Variants in CARMIL2 observed in about 807,000 individuals in gnomAD.
CARMIL2 encodes the protein capping protein, Arp2/3 and myosin-I linker protein 2.
CARMIL2 carries 96 observed loss-of-function variants against 173.3 expected under a neutral mutation model. The observed-to-expected ratio is 0.55, with a 90% CI of 0.47 to 0.66. The LOEUF (loss-of-function observed/expected upper bound fraction) is 0.66. Ranked by LOEUF, CARMIL2 falls within the 30% of genes least tolerant of loss-of-function variation. CARMIL2 has a pLI of 0.00. For synonymous variants in CARMIL2, 830 were observed against 817.1 expected (o/e 1.02, Z -0.27); for missense variants, 1,771 against 1,906.7 (o/e 0.93, Z 1.33).
chr16:67,656,666 C>G (rs1357635164), intron 35 of CARMIL2, 21 bp downstream of exon 35: 2 of 1,575,010 alleles, frequency 1.3e-6, no homozygotes, highest in African/African-American at 2.7e-5. Context: ...ACCTGATTCC[C>G]CACCCCAATC....
Position 67,648,579 on chromosome 16 carries a change from T to C in CARMIL2, c.1439+77T>C. The C allele has an allele frequency of 1.4e-6, 2 of 1,473,288 alleles. No homozygotes were observed. The highest frequency in any genetic ancestry group is 2.8e-5 in the African/African-American group (2 of 71,160). The allele number at this position is 1,473,288 out of a possible 1,614,324, so 91.3% of individuals were successfully genotyped here. A position where few individuals can be genotyped will look rare whatever the true frequency, so the allele number is the denominator to read the frequency against. ...GCCTTCGCCCCTCCCCGCTCCTGCT[T>C]CTGTCGCTCCCACAACCTCCCCCAG... On this transcript the variant is annotated intron_variant, in intron 15 of 37. Transcript: ENST00000334583. This position sits in a 1 kb window ranked among gnomAD's most constrained non-coding sequence, Gnocchi z 6.1.
In CARMIL2 at chr16:67,656,800, G is replaced by T; in HGVS notation, c.4037-1G>T. Reference sequence around the variant, plus strand: ...ACCCCTGATTCCCTGGCCTCCCTCAGATGGCCAGCTGAGGCCGAGGCCTCT... The same window carrying T: ...ACCCCTGATTCCCTGGCCTCCCTCATATGGCCAGCTGAGGCCGAGGCCTCT... On this transcript the variant is annotated splice_acceptor_variant, in intron 35 of 37. Transcript: ENST00000334583. LOFTEE classifies it high-confidence loss of function. 1.3e-6 allele frequency: 2 copies of T among 1,551,732 alleles called. No individual in the cohort carries two copies. The highest frequency in any genetic ancestry group is 2.4e-5 in the South Asian group (2 of 84,240).
Position 67,652,363 on chromosome 16 carries a change from C to A in CARMIL2, c.2817+24C>A. 6.2e-7 allele frequency: 1 copy of A among 1,612,648 alleles called. No homozygotes were observed. The highest frequency in any genetic ancestry group is 8.5e-7 in the Non-Finnish European group (1 of 1,179,276). On this transcript the variant is annotated intron_variant, in intron 27 of 37. Transcript: ENST00000334583. This position sits in a 1 kb window ranked among gnomAD's most constrained non-coding sequence, Gnocchi z 4.7. ...AGGTAAGTGGTTTTAGAACACGGGG[C>A]ATGGCACTCCCAGTCTTCCCATCTT...
rs1319036446 is a variant in CARMIL2 at position 67,646,489 on chromosome 16, G to A, written c.438G>A (p.Ser146=). Residue 146 remains serine (S), a synonymous_variant, in exon 6 of 38, where the codon TCG becomes TCA. Transcript: ENST00000334583. The surrounding 1 kb of genome is among the most constrained non-coding windows in gnomAD (Gnocchi z 4.6). ...CTCGGCTGGAGAGAAGCAGCCCCTCGGAGTCCACTGACCCCTGCAGCCCCT... is the reference window on the plus strand; with the variant it reads ...CTCGGCTGGAGAGAAGCAGCCCCTCAGAGTCCACTGACCCCTGCAGCCCCT... ...MLARLERSSP[S]ESTDPCSPCG... 24 of 1,613,186 alleles carry A rather than the reference G, an allele frequency of 1.5e-5. No individual in the cohort carries two copies. The highest frequency in any genetic ancestry group is 6.7e-5 in the East Asian group (3 of 44,884).
chr16:67,654,661 A>T lies in CARMIL2; in HGVS notation c.3551A>T (p.Glu1184Val), dbSNP rs150710381. ...AYSMILLPAE[E>V]EATLGARPDK... ...TCGATGATACTGCTGCCTGCCGAGG[A>T]GGAGGCAACGCTGGGTGCCAGACCC... The change falls in exon 31 of 38, where the codon GAG (glutamate) becomes GTG (valine). Residue 1184 changes from glutamate to valine, a missense_variant. By Grantham distance (121) the Glu-to-Val change is moderately radical (BLOSUM62 -2). Coordinates refer to ENST00000334583, the MANE Select transcript of CARMIL2 (RefSeq NM_001013838.3). 662 of 1,586,156 alleles carry T rather than the reference A, an allele frequency of 4.2e-4. 2 individuals are homozygous for T. In the African/African-American group the frequency reaches 8.2e-3, roughly 20 times the overall value.
Position 67,645,542 on chromosome 16 carries a change from G to T in CARMIL2, c.43G>T (p.Glu15Ter). 2 of 1,599,986 alleles carry T rather than the reference G, an allele frequency of 1.3e-6. No individual in the cohort carries two copies. The highest frequency in any genetic ancestry group is 1.1e-5 in the South Asian group (1 of 89,220). ...PDGISCELRG[E>*]ITRFLWPKEV... The stretch of plus-strand genomic sequence containing the variant: ...CCCAGCAGGCTGCCCTTCCACAGGC[G>T]AGATCACCAGGTTCCTGTGGCCCAA... Residue 15 changes from glutamate to a stop codon, truncating the protein, a stop_gained and splice_region_variant, in exon 2 of 38, where the codon GAG (glutamate) becomes TAG (stop). Coordinates refer to ENST00000334583, the MANE Select transcript of CARMIL2 (RefSeq NM_001013838.3). LOFTEE classifies it high-confidence loss of function.
rs375889123 is a variant in CARMIL2, at chr16:67,647,490, C to G, written c.777-18C>G. 3 of 1,587,992 alleles carry G rather than the reference C, an allele frequency of 1.9e-6. No homozygotes were observed. Among genetic ancestry groups the G allele is most frequent in the Admixed American group, 3.6e-5 (2 of 55,652 alleles). On this transcript the variant is annotated intron_variant, in intron 10 of 37. Coordinates refer to ENST00000334583, the MANE Select transcript of CARMIL2 (RefSeq NM_001013838.3). ...GCAAACCAGGGGCAGAATCTCATGC[C>G]TGGGGTCTGGTCCCCAGAGACTTTG...
rs1184093097 is a variant in CARMIL2 at position 67,645,208 on chromosome 16, C to T, written c.-39C>T. On this transcript the variant is annotated 5_prime_UTR_variant, in exon 1 of 38. Transcript: ENST00000334583. ...GTGCGCGCTCGTCCTCTGCTGTTTC[C>T]CGCCGGAGCTCGTTGGGCCTCCCCG... The T allele has an allele frequency of 6.5e-7, 1 of 1,536,604 alleles. No individual in the cohort carries two copies. Among genetic ancestry groups the T allele is most frequent in the Non-Finnish European group, 8.8e-7 (1 of 1,135,952 alleles).
At position 67,649,891 on chromosome 16, in the gene CARMIL2, G is replaced by A. The variant is rs1341847572; in HGVS notation, c.2005G>A (p.Ala669Thr). ...GCTGGAGCAGAACCACAGCCTGAAG[G>A]CCATGCCTCTGCCACTGAACGACGT... is the stretch of plus-strand genomic sequence containing the variant. ...QALEQNHSLK[A>T]MPLPLNDVAQ... Residue 669 changes from alanine (A) to threonine (T), a missense_variant, in exon 21 of 38, where the codon GCC becomes ACC. Transcript: ENST00000334583. The surrounding 1 kb of genome is among the most constrained non-coding windows in gnomAD (Gnocchi z 6.7). 1 of 1,612,868 alleles carries A rather than the reference G, an allele frequency of 6.2e-7. No homozygotes were observed. Among genetic ancestry groups the A allele is most frequent in the Non-Finnish European group, 8.5e-7 (1 of 1,179,848 alleles).
rs2142963740 is a variant in CARMIL2 at position 67,657,379 on chromosome 16, C to T, written c.4196-27C>T. 1.2e-6 allele frequency: 2 copies of T among 1,604,024 alleles called. No individual in the cohort carries two copies. Among genetic ancestry groups the T allele is most frequent in the Non-Finnish European group, 1.7e-6 (2 of 1,174,984 alleles). ...ACTGCTTAGCCCAGCCCTGACCCTT[C>T]CTCTCTCTCCCTCCCTCCCCTCACA... On this transcript the variant is annotated intron_variant, in intron 37 of 37. Coordinates refer to ENST00000334583, the MANE Select transcript of CARMIL2 (RefSeq NM_001013838.3). The surrounding 1 kb of genome is among the most constrained non-coding windows in gnomAD (Gnocchi z 4.5).
rs754935364 is a variant in CARMIL2 at position 67,647,672 on chromosome 16, C to A, written c.872-8C>A. ...GTGAGACCCACGTGGCTGTTCCCAC[C>A]CCCCAAGGCATGACTGCACTCAGCA... On this transcript the variant is annotated splice_region_variant and splice_polypyrimidine_tract_variant and intron_variant, in intron 11 of 37. Transcript: ENST00000334583. 6.2e-7 allele frequency: 1 copy of A among 1,600,004 alleles called. No homozygotes were observed. Among genetic ancestry groups the A allele is most frequent in the African/African-American group, 1.3e-5 (1 of 74,638 alleles).
chr16:67,647,624 G>A (rs375482545), intron 11 of CARMIL2, 22 bp downstream of exon 11: 187 of 1,602,500 alleles, frequency 1.2e-4, no homozygotes, highest in South Asian at 1.6e-4. Flanking sequence ...CCTGGGGACC[G>A]CAGGGGTGGG....
At position 67,657,538 on chromosome 16, in the gene CARMIL2, A is replaced by G. The variant is rs1050247986; in HGVS notation, c.*20A>G. ...CCCTGATCCTCTCCTCTCCTGCCGC[A>G]TGAGATTATTTTATTAAAAAACTCA... On this transcript the variant is annotated 3_prime_UTR_variant, in exon 38 of 38. Transcript: ENST00000334583. This position sits in a 1 kb window ranked among gnomAD's most constrained non-coding sequence, Gnocchi z 4.5. 2 of 1,613,768 alleles carry G rather than the reference A, an allele frequency of 1.2e-6. No individual in the cohort carries two copies. The highest frequency in any genetic ancestry group is 1.7e-6 in the Non-Finnish European group (2 of 1,179,758).
chr16:67,655,987 G>C (rs2052841720), intron 32 of CARMIL2, 44 bp from the exon 33 acceptor site: 3 of 1,559,960 alleles, frequency 1.9e-6, no homozygotes, highest in Non-Finnish European at 2.6e-6. Flanking sequence ...GCTAGGGTGT[G>C]GGGAGCGGGC....
Position 67,646,660 on chromosome 16 carries a change from C to A in CARMIL2, c.467-54C>A. On this transcript the variant is annotated intron_variant, in intron 6 of 37. Transcript: ENST00000334583. This position sits in a 1 kb window ranked among gnomAD's most constrained non-coding sequence, Gnocchi z 4.6. Reference sequence around the variant, plus strand: ...GTCTGTGGGTCTGGTCTTCCTCCATCGCTGATGTTTTGTCTCTCTCCTTTT... The same window carrying A: ...GTCTGTGGGTCTGGTCTTCCTCCATAGCTGATGTTTTGTCTCTCTCCTTTT... The A allele has an allele frequency of 6.3e-7, 1 of 1,594,766 alleles. No individual in the cohort carries two copies.
At chr16:67,650,682 G>A (rs2052707025) in intron 22 of CARMIL2, 1 of 174,998 alleles carries the variant, frequency 5.7e-6, no homozygotes, top group Non-Finnish European at 1.2e-5. Context: ...TGTCTACCCT[G>A]GAGCCCAATC....
In CARMIL2 at chr16:67,657,015, A is replaced by C. The variant is rs914675573; in HGVS notation, c.4117+134A>C. 1.9e-5 allele frequency: 15 copies of C among 808,528 alleles called. No individual in the cohort carries two copies. Among genetic ancestry groups the C allele is most frequent in the Non-Finnish European group, 2.7e-5 (14 of 515,146 alleles). The allele number at this position is 808,528 out of a possible 1,614,324, so 50.1% of individuals were successfully genotyped here. ...GGTCTCAAGAAATCAGGGAGCCAGA[A>C]GACCAGGTGCAAGGGTTTGACAGCA... is the stretch of plus-strand genomic sequence containing the variant. On this transcript the variant is annotated intron_variant, in intron 36 of 37. Coordinates refer to ENST00000334583, the MANE Select transcript of CARMIL2 (RefSeq NM_001013838.3). The surrounding 1 kb of genome is among the most constrained non-coding windows in gnomAD (Gnocchi z 4.5).
Position 67,646,730 on chromosome 16 carries a change from A to G in CARMIL2, c.483A>G (p.Thr161=), listed in dbSNP as rs762229586. The G allele has an allele frequency of 3.1e-6, 5 of 1,614,006 alleles. No homozygotes were observed. In the South Asian group the frequency reaches 5.5e-5, roughly 18 times the overall value. Residue 161 remains threonine (T), a synonymous_variant, in exon 7 of 38, where the codon ACA becomes ACG. Transcript: ENST00000334583. The surrounding 1 kb of genome is among the most constrained non-coding windows in gnomAD (Gnocchi z 4.6). The part of the protein sequence containing the change: ...PCSPCGGFLE[T]YEALCDYNGF... The stretch of plus-strand genomic sequence containing the variant: ...CCTCCCCAGGTGGCTTCTTGGAGAC[A>G]TACGAGGCTCTGTGTGACTACAATG...
Position 67,645,192 on chromosome 16 carries a change from C to G in CARMIL2, c.-55C>G, listed in dbSNP as rs1205581641. 34 of 1,447,668 alleles carry G rather than the reference C, an allele frequency of 2.3e-5. No homozygotes were observed. The highest frequency in any genetic ancestry group is 3.2e-5 in the Non-Finnish European group (34 of 1,060,524). 89.7% of individuals were successfully genotyped at this position (1,447,668 alleles called of 1,614,324 possible). A position where few individuals can be genotyped will look rare whatever the true frequency, so the allele number is the denominator to read the frequency against. ...GCCCCAGGCTTCCTGTGTGCGCGCT[C>G]GTCCTCTGCTGTTTCCCGCCGGAGC... On this transcript the variant is annotated 5_prime_UTR_variant, in exon 1 of 38. Coordinates refer to ENST00000334583, the MANE Select transcript of CARMIL2 (RefSeq NM_001013838.3).
Sources: allele counts gnomAD v4.1 joint callset, GRCh38; gene constraint gnomAD v4.1.1; non-coding constraint Gnocchi (gnomAD v3.1); transcripts MANE v1.5; gene names NCBI Gene and HGNC (gene_info 2026-07-23, HGNC 2026-07-21).